SORBS2: variants seen among roughly 807,000 people sequenced by gnomAD.
The protein encoded by SORBS2 is sorbin and SH3 domain-containing protein 2.
SORBS2 carries 46 observed loss-of-function variants against 97.7 expected under a neutral mutation model. The observed-to-expected ratio is 0.47, with a 90% CI of 0.37 to 0.60. The LOEUF (loss-of-function observed/expected upper bound fraction) is 0.60, where lower values mean the gene tolerates loss of function less well. Ranked by LOEUF, SORBS2 falls within the 20% of genes least tolerant of loss-of-function variation. SORBS2 has a pLI of 0.00. For synonymous variants in SORBS2, 476 were observed against 473.4 expected, an observed-to-expected ratio of 1.01 and a Z score of -0.07; for missense variants, 1,316 against 1,282.3, an observed-to-expected ratio of 1.03 and a Z score of -0.40.
At chr4:185,677,526 G>T (rs2097806207) in intron 4 of SORBS2, 1 of 1,550,628 alleles carries the variant, frequency 6.4e-7, no homozygotes, top group South Asian at 1.2e-5. Flanking sequence ...AAAGTACTCT[G>T]TACTGGAGGG....
intron 12 of SORBS2, among the ~76,000 whole-genome samples, chr4:185,610,309 A>G (rs2096512791): frequency 6.6e-6 from 1 of 152,200 alleles, no homozygotes; most frequent in African/African-American, 2.4e-5. Context: ...AGACAAATAT[A>G]TGCATGAAGA....
chr4:185,649,340 G>A (rs1040493625), intron 3 of SORBS2, 127 bp downstream of exon 12: 7 of 759,182 alleles, frequency 9.2e-6, no homozygotes, highest in Admixed American at 3.4e-5. Flanking sequence ...TATGGTATAT[G>A]TATAGACTAG....
chr4:185,704,237 G>A (rs754550898), intron 2 of SORBS2, among the ~76,000 whole-genome samples: 6 of 152,068 alleles, frequency 3.9e-5, no homozygotes, highest in African/African-American at 9.7e-5. Context: ...CAGGATATTC[G>A]CTTCTCCCCA....
chr4:185,831,357 G>A (rs778147350), intron 1 of SORBS2, among the ~76,000 whole-genome samples: 2 of 152,200 alleles, frequency 1.3e-5, no homozygotes, highest in Non-Finnish European at 2.9e-5. Flanking sequence ...TCCATGCCCA[G>A]ACGAGGCAGC....
intron 1 of SORBS2, among the ~76,000 whole-genome samples, chr4:185,846,217 A>G (rs2099214460): frequency 1.3e-5 from 2 of 152,254 alleles, no homozygotes; most frequent in African/African-American, 2.4e-5. Flanking sequence ...TTACTCAGCA[A>G]CAAAAAGGAA....
chr4:185,703,137 T>C (rs2098289543), intron 2 of SORBS2, among the ~76,000 whole-genome samples: 1 of 152,192 alleles, frequency 6.6e-6, no homozygotes, highest in Non-Finnish European at 1.5e-5. Context: ...ATTGTTTATA[T>C]ATTACATGTC....
At chr4:185,896,842 G>A (rs2099245288) in intron 1 of SORBS2, among the ~76,000 whole-genome samples, 1 of 149,650 alleles carries the variant, frequency 6.7e-6, no homozygotes, top group East Asian at 2.0e-4. Flanking sequence ...AAGTTTCCCA[G>A]TGATGCCAGT....
intron 1 of SORBS2, among the ~76,000 whole-genome samples, chr4:185,862,539 G>C (rs2099224447): frequency 6.6e-6 from 1 of 152,216 alleles, no homozygotes; most frequent in Non-Finnish European, 1.5e-5. Context: ...AGATCCCTCT[G>C]GTGGCTGAGA....
chr4:185,948,512 T>A (rs1173572402), intron 1 of SORBS2, among the ~76,000 whole-genome samples: 3 of 50,596 alleles, frequency 5.9e-5, no homozygotes, highest in African/African-American at 2.3e-4. Flanking sequence ...GAATTTCAAT[T>A]TTTTTTTTTT....
intron 1 of SORBS2, among the ~76,000 whole-genome samples, chr4:185,805,609 G>A (rs1270798596): frequency 6.6e-6 from 1 of 152,092 alleles, no homozygotes; most frequent in African/African-American, 2.4e-5. Context: ...GCGTAAACTG[G>A]TTTAAGCCTG....
At chr4:185,648,578 C>T (rs1045757170) in intron 3 of SORBS2, among the ~76,000 whole-genome samples, 2 of 151,716 alleles carry the variant, frequency 1.3e-5, no homozygotes, top group Admixed American at 1.3e-4. Context: ...GTGTTGAATA[C>T]AATTTTTCTG....
intron 8 of SORBS2, among the ~76,000 whole-genome samples, chr4:185,619,533 C>T (rs973024296): frequency 3.3e-5 from 5 of 152,184 alleles, no homozygotes; most frequent in African/African-American, 1.2e-4. Context: ...ACTCTAGCCC[C>T]GGCTCAGGGC....
intron 12 of SORBS2, among the ~76,000 whole-genome samples, chr4:185,608,303 C>T (rs892624989): frequency 5.3e-5 from 8 of 152,160 alleles, no homozygotes; most frequent in African/African-American, 1.9e-4. Flanking sequence ...GTCTCAAAGA[C>T]AGGAACCCAT....
rs1049953322 is a variant in SORBS2, at chr4:185,733,861, A to G, written c.-198+41366T>C. ...TGTTCCCCTGCCCTCTTGCAAATCA[A>G]TCAGCCTAAATCAAGGGTGTCTGTG... On this transcript the variant is annotated intron_variant, in intron 2 of 20. Coordinates refer to the SORBS2 transcript ENST00000284776. 3.5e-4 allele frequency: 53 copies of G among 152,130 alleles called. 1 individual carries two copies. The highest frequency in any genetic ancestry group is 2.6e-3 in the Admixed American group (39 of 15,268). 9.4% of individuals were successfully genotyped at this position (152,130 alleles called of 1,614,324 possible). A position where few individuals can be genotyped will look rare whatever the true frequency, so the allele number is the denominator to read the frequency against.
At chr4:185,824,009 A>C (rs1347278751) in intron 1 of SORBS2, among the ~76,000 whole-genome samples, 3 of 152,162 alleles carry the variant, frequency 2.0e-5, no homozygotes, top group Admixed American at 6.5e-5. Context: ...TGGGCAGCCT[A>C]CTTAACTCTC....
At chr4:185,718,281 A>G (rs999658862) in intron 2 of SORBS2, among the ~76,000 whole-genome samples, 1 of 152,214 alleles carries the variant, frequency 6.6e-6, no homozygotes, top group Non-Finnish European at 1.5e-5. Context: ...CTGGCGCAGA[A>G]CAAATGATTA....
At chr4:185,955,138 T>C (rs769813564) in intron 1 of SORBS2, among the ~76,000 whole-genome samples, 2 of 152,156 alleles carry the variant, frequency 1.3e-5, no homozygotes, top group Non-Finnish European at 2.9e-5. Context: ...ATTTAACATT[T>C]CAATGGGCCA....
intron 2 of SORBS2, among the ~76,000 whole-genome samples, chr4:185,691,796 G>C (rs938880670): frequency 6.6e-5 from 10 of 152,088 alleles, no homozygotes; most frequent in African/African-American, 2.4e-4. Flanking sequence ...CCAGGCTGGA[G>C]TGCAGTGGTG....
chr4:185,736,747 A>C (rs1320475396), intron 2 of SORBS2, among the ~76,000 whole-genome samples: 1 of 152,138 alleles, frequency 6.6e-6, no homozygotes, highest in Non-Finnish European at 1.5e-5. Context: ...GTCAAGGTTC[A>C]CACGTCTGTG....
Sources: gnomAD v4.1 joint callset for allele counts (sites outside exome capture counted in the v4.1 genomes callset) on GRCh38, gnomAD v4.1.1 for gene constraint, MANE v1.5 for transcripts, NCBI Gene and HGNC (gene_info 2026-07-23, HGNC 2026-07-21) for gene names.